PIWIL4: variants seen among roughly 807,000 people sequenced by gnomAD.
PIWIL4 encodes the protein piwi-like protein 4.
A neutral mutation model predicts 100.9 loss-of-function variants in PIWIL4; 50 were observed. The ratio of observed to expected loss-of-function variants is 0.50; its 90% CI spans 0.39 to 0.63. The LOEUF (loss-of-function observed/expected upper bound fraction) is 0.63. Among genes scored for constraint, PIWIL4 ranks in the 20% least tolerant of loss-of-function variants. PIWIL4 has a pLI of 0.00. For missense variants in PIWIL4, 887 were observed against 1,043.3 expected (o/e 0.85, Z 2.06); for synonymous variants, 342 against 367.5 (o/e 0.93, Z 0.79).
At chr11:94,617,710 G>A (rs1948861442) in intron 16 of PIWIL4, 1 of 430,542 alleles carries the variant, frequency 2.3e-6, no homozygotes. Flanking sequence ...TAAAGAGATA[G>A]GCCAAGTTTA....
intron 9 of PIWIL4, 30 bp from the exon 10 acceptor site, chr11:94,595,279 T>C (rs758426045): frequency 6.3e-7 from 1 of 1,594,286 alleles, no homozygotes; most frequent in Non-Finnish European, 8.6e-7. Flanking sequence ...ATGTTCATTT[T>C]CTCACTTTGT....
At chr11:94,593,293 C>T (rs374809004) in intron 8 of PIWIL4, among the ~76,000 whole-genome samples, 9 of 151,844 alleles carry the variant, frequency 5.9e-5, no homozygotes, top group East Asian at 1.9e-4. Flanking sequence ...AGCAGGGAAA[C>T]GATATTTTTA....
Position 94,581,204 on chromosome 11 carries a change from A to C in PIWIL4, c.514-2244A>C, listed in dbSNP as rs534448626. On this transcript the variant is annotated intron_variant, in intron 4 of 19. Coordinates refer to ENST00000299001, the MANE Select transcript of PIWIL4 (RefSeq NM_152431.3). ...TGTGAGCCACCACGCCCGGCCTGCC[A>C]GGCTCTTTATAGCATGATCTCATTT... Among the ~76,000 whole-genome samples the C allele has an allele frequency of 2.5e-4, 38 of 152,270 alleles. 2 individuals carry two copies. The East Asian group carries it at 7.1e-3, about 29-fold the overall frequency.
chr11:94,575,820 C>T (rs571178872), intron 3 of PIWIL4, among the ~76,000 whole-genome samples: 12 of 152,186 alleles, frequency 7.9e-5, no homozygotes, highest in Middle Eastern at 3.4e-3. Flanking sequence ...ACCCAGCTGC[C>T]GTTTGAAAAC....
chr11:94,601,314 G>T (rs1157271975), intron 11 of PIWIL4, among the ~76,000 whole-genome samples: 2 of 151,998 alleles, frequency 1.3e-5, no homozygotes, highest in Non-Finnish European at 2.9e-5. Flanking sequence ...TCCGTTTGGG[G>T]TCCCTGACTT....
intron 4 of PIWIL4, among the ~76,000 whole-genome samples, chr11:94,580,396 T>G (rs1402101732): frequency 1.3e-5 from 2 of 152,148 alleles, no homozygotes; most frequent in African/African-American, 4.8e-5. Flanking sequence ...AGCCACTAGT[T>G]GACGCAATGA....
At chr11:94,611,771 C>A (rs879780167) in intron 15 of PIWIL4, among the ~76,000 whole-genome samples, 3 of 152,178 alleles carry the variant, frequency 2.0e-5, no homozygotes, top group Non-Finnish European at 4.4e-5. Flanking sequence ...CCTGGCCCCC[C>A]TTTGCCTTTC....
chr11:94,583,285 A>G (rs575512326), intron 4 of PIWIL4, among the ~76,000 whole-genome samples, 163 bp from the exon 5 acceptor site: 1 of 152,318 alleles, frequency 6.6e-6, no homozygotes, highest in African/African-American at 2.4e-5. Flanking sequence ...ATACAGAGAA[A>G]AAAAGCCCTC....
At chr11:94,603,643 A>T (rs1948676047) in intron 12 of PIWIL4, among the ~76,000 whole-genome samples, 1 of 152,110 alleles carries the variant, frequency 6.6e-6, no homozygotes. Flanking sequence ...GAGCTTGAAC[A>T]CTCTTTCAGA....
intron 15 of PIWIL4, among the ~76,000 whole-genome samples, chr11:94,615,745 C>T (rs1425876898): frequency 6.6e-6 from 1 of 152,206 alleles, no homozygotes; most frequent in Non-Finnish European, 1.5e-5. Flanking sequence ...TCAAGCAGTC[C>T]TCCTACCTCA....
intron 8 of PIWIL4, among the ~76,000 whole-genome samples, chr11:94,592,361 G>A (rs76267622): frequency 0.044 from 6,658 of 152,156 alleles, 287 homozygotes; most frequent in East Asian, 0.13. Context: ...TGTGGACCTC[G>A]CTTTGTAGAT....
Position 94,572,897 on chromosome 11 carries a change from G to A in PIWIL4, c.167-2102G>A, listed in dbSNP as rs376391907. Among the ~76,000 whole-genome samples the A allele has an allele frequency of 3.0e-4, 45 of 152,310 alleles. No individual in the cohort carries two copies. In the East Asian group the frequency reaches 3.1e-3, roughly 10 times the overall value. On this transcript the variant is annotated intron_variant, in intron 2 of 19. Coordinates refer to ENST00000299001, the MANE Select transcript of PIWIL4 (RefSeq NM_152431.3). ...CTTTGGGCAGTATGGCCGTTTTCAC[G>A]ATATTGATTCTTCCTATCCATGAGC...
At chr11:94,610,550 G>A (rs190929087) in intron 15 of PIWIL4, among the ~76,000 whole-genome samples, 2 of 152,126 alleles carry the variant, frequency 1.3e-5, no homozygotes, top group Admixed American at 6.5e-5. Flanking sequence ...CAGGTGTAAG[G>A]TGATATCTCA....
chr11:94,576,948 C>T (rs968169776), intron 3 of PIWIL4, among the ~76,000 whole-genome samples: 6 of 152,200 alleles, frequency 3.9e-5, no homozygotes, highest in East Asian at 1.9e-4. Context: ...TTACTTGAGC[C>T]GATTTGAATT....
rs753595058 is a variant in PIWIL4, at chr11:94,577,497, A to G, written c.513+5A>G. 2 of 1,604,568 alleles carry G rather than the reference A, an allele frequency of 1.2e-6. No homozygotes were observed. Among genetic ancestry groups the G allele is most frequent in the Non-Finnish European group, 1.7e-6 (2 of 1,174,014 alleles). ...TCACAAAAGCTAGAAGAAAAGGTAT[A>G]GTATGATTAGTTTTTTTACTGTATA... On this transcript the variant is annotated splice_donor_5th_base_variant and intron_variant, in intron 4 of 19. Transcript: ENST00000299001.
chr11:94,581,147 G>T (rs549041767), intron 4 of PIWIL4, among the ~76,000 whole-genome samples: 1 of 151,962 alleles, frequency 6.6e-6, no homozygotes, highest in African/African-American at 2.4e-5. Context: ...TGATCCACCC[G>T]CCTCAGCCTC....
Position 94,567,450 on chromosome 11 carries a change from T to C in PIWIL4, c.-69T>C. 1.5e-6 allele frequency: 2 copies of C among 1,367,520 alleles called. No homozygotes were observed. Among genetic ancestry groups the C allele is most frequent in the South Asian group, 1.5e-5 (1 of 66,966 alleles). The allele number at this position is 1,367,520 out of a possible 1,614,324, so 84.7% of individuals were successfully genotyped here. A position where few individuals can be genotyped will look rare whatever the true frequency, so the allele number is the denominator to read the frequency against. ...TTCGCCGTCACACCGTCGCCATCTG[T>C]AGCCAAAGCAAAACATATCCTAACT... On this transcript the variant is annotated 5_prime_UTR_variant, in exon 1 of 20. The change abolishes the stop of an existing upstream ORF in the 5' untranslated region. Transcript: ENST00000299001.
chr11:94,615,914 A>T (rs1948841163), intron 15 of PIWIL4, among the ~76,000 whole-genome samples: 1 of 151,024 alleles, frequency 6.6e-6, no homozygotes, highest in African/African-American at 2.4e-5. Context: ...GGTGGTAGTA[A>T]GAGAACTTGT....
intron 15 of PIWIL4, among the ~76,000 whole-genome samples, chr11:94,614,900 G>T (rs1948829521): frequency 6.6e-6 from 1 of 152,198 alleles, no homozygotes; most frequent in African/African-American, 2.4e-5. Context: ...GTGGTGCCCT[G>T]AAATGCTCAT....
Sources: allele counts gnomAD v4.1 joint callset (sites outside exome capture counted in the v4.1 genomes callset), GRCh38; gene constraint gnomAD v4.1.1; transcripts MANE v1.5; gene names NCBI Gene and HGNC (gene_info 2026-07-23, HGNC 2026-07-21).